The following HCN1 variants were observed in gnomAD, a reference collection of about 807,000 sequenced individuals.
The protein encoded by HCN1 is hyperpolarization activated cyclic nucleotide gated potassium channel 1.
In HCN1, 13 loss-of-function variants were observed where a neutral mutation model predicts 78.9. That is an observed-to-expected ratio of 0.16 (90% confidence interval 0.11 to 0.26). The LOEUF (loss-of-function observed/expected upper bound fraction) is 0.26. Ranked by LOEUF, HCN1 falls within the 10% of genes least tolerant of loss-of-function variation. HCN1 has a pLI of 1.00. For missense variants in HCN1, 810 were observed against 1,154.3 expected (o/e 0.70, Z 4.32); for synonymous variants, 552 against 455.5 (o/e 1.21, Z -2.70).
intron 4 of HCN1, among the ~76,000 whole-genome samples, chr5:45,370,849 T>A (rs1747339617): frequency 6.6e-6 from 1 of 152,042 alleles, no homozygotes; most frequent in Non-Finnish European, 1.5e-5. Flanking sequence ...CTAAAAGAAG[T>A]AATGGCAGTA....
chr5:45,304,350 C>T (rs1264278222), intron 5 of HCN1, among the ~76,000 whole-genome samples: 1 of 151,078 alleles, frequency 6.6e-6, no homozygotes, highest in African/African-American at 2.4e-5. Context: ...ATGGATAGTA[C>T]AGAAAAAGGT....
intron 4 of HCN1, among the ~76,000 whole-genome samples, chr5:45,354,437 A>G (rs1345790181): frequency 6.6e-6 from 1 of 151,996 alleles, no homozygotes; most frequent in Non-Finnish European, 1.5e-5. Flanking sequence ...CACACATTTG[A>G]TATACTTTAT....
At chr5:45,534,233 CA>C (rs1352355116) in intron 2 of HCN1, among the ~76,000 whole-genome samples, 5 of 150,308 alleles carry the variant, frequency 3.3e-5, no homozygotes, top group Non-Finnish European at 5.9e-5. Context: ...CCCGTCTCTA[CA>C]AAAAATACAA....
At chr5:45,448,768 A>T (rs1740848810) in intron 3 of HCN1, among the ~76,000 whole-genome samples, 1 of 152,210 alleles carries the variant, frequency 6.6e-6, no homozygotes, top group African/African-American at 2.4e-5. Flanking sequence ...TCTAACTCAC[A>T]CACAAATACA....
intron 5 of HCN1, among the ~76,000 whole-genome samples, chr5:45,334,014 C>T (rs1746400584): frequency 6.6e-6 from 1 of 151,644 alleles, no homozygotes; most frequent in Admixed American, 6.6e-5. Flanking sequence ...GTTCGGTTTC[C>T]AATTATCTTC....
intron 5 of HCN1, among the ~76,000 whole-genome samples, chr5:45,347,213 A>G (rs1746741648): frequency 6.6e-6 from 1 of 152,166 alleles, no homozygotes. Context: ...GTTCACGAAA[A>G]TCTGCTGTTC....
At chr5:45,547,295 C>T (rs1389060310) in intron 2 of HCN1, among the ~76,000 whole-genome samples, 2 of 151,892 alleles carry the variant, frequency 1.3e-5, no homozygotes, top group African/African-American at 4.8e-5. Flanking sequence ...CAAGGAGCTA[C>T]TAGAATAATA....
intron 4 of HCN1, among the ~76,000 whole-genome samples, chr5:45,372,132 A>ATG (rs1747398350): frequency 9.5e-5 from 5 of 52,866 alleles, no homozygotes; most frequent in Admixed American, 7.3e-4. Context: ...TTATATATAT[A>ATG]ATATAATAAT....
At chr5:45,281,955 A>T (rs1357407581) in intron 6 of HCN1, among the ~76,000 whole-genome samples, 1 of 152,108 alleles carries the variant, frequency 6.6e-6, no homozygotes, top group Non-Finnish European at 1.5e-5. Context: ...TCACATACAA[A>T]GATATTCTTT....
chr5:45,329,378 T>C (rs1415607875), intron 5 of HCN1, among the ~76,000 whole-genome samples: 1 of 151,468 alleles, frequency 6.6e-6, no homozygotes, highest in Non-Finnish European at 1.5e-5. Context: ...GAGTCAATTT[T>C]TGAAGTCTTA....
At chr5:45,330,372 A>T (rs1334893554) in intron 5 of HCN1, among the ~76,000 whole-genome samples, 1 of 151,186 alleles carries the variant, frequency 6.6e-6, no homozygotes, top group African/African-American at 2.4e-5. Flanking sequence ...ATTAAACCTT[A>T]TTTTTGTATG....
At chr5:45,508,093 A>G (rs1378110907) in intron 2 of HCN1, among the ~76,000 whole-genome samples, 2 of 152,158 alleles carry the variant, frequency 1.3e-5, no homozygotes, top group African/African-American at 4.8e-5. Flanking sequence ...GACAATAAAA[A>G]TCAATGAATT....
chr5:45,545,331 T>A (rs1743191559), intron 2 of HCN1, among the ~76,000 whole-genome samples: 1 of 152,226 alleles, frequency 6.6e-6, no homozygotes. Flanking sequence ...AAGTTCTTTG[T>A]AGATTCTGGA....
At chr5:45,568,184 C>A (rs2625502) in intron 2 of HCN1, among the ~76,000 whole-genome samples, 111 of 152,000 alleles carry the variant, frequency 7.3e-4, no homozygotes, top group African/African-American at 2.5e-3. Context: ...TTTTCTCTTT[C>A]TTGAGCAAAT....
intron 2 of HCN1, among the ~76,000 whole-genome samples, chr5:45,509,738 G>C (rs965124990): frequency 6.6e-6 from 1 of 152,050 alleles, no homozygotes; most frequent in Non-Finnish European, 1.5e-5. Flanking sequence ...TATTTTCAAG[G>C]AATTTTTTTT....
At chr5:45,642,293 A>T (rs1159421773) in intron 2 of HCN1, 1 of 152,122 alleles carries the variant, frequency 6.6e-6, no homozygotes, top group East Asian at 1.9e-4. Flanking sequence ...TTAGTTGCTC[A>T]AATCAGTTTT....
chr5:45,316,262 T>C (rs1226685083), intron 5 of HCN1, among the ~76,000 whole-genome samples: 4 of 152,086 alleles, frequency 2.6e-5, no homozygotes, highest in Admixed American at 6.6e-5. Flanking sequence ...GTTCAACATA[T>C]GCAAATCAAT....
At chr5:45,513,536 G>A (rs1742458792) in intron 2 of HCN1, among the ~76,000 whole-genome samples, 1 of 152,156 alleles carries the variant, frequency 6.6e-6, no homozygotes, top group African/African-American at 2.4e-5. Context: ...GTTAGGAACT[G>A]GGTTGCATGG....
intron 2 of HCN1, among the ~76,000 whole-genome samples, chr5:45,626,702 T>C (rs1673411245): frequency 6.6e-6 from 1 of 151,984 alleles, no homozygotes. Context: ...CTAATAAAGC[T>C]AGTGAATAGT....
Sources: allele counts gnomAD v4.1 joint callset (sites outside exome capture counted in the v4.1 genomes callset), GRCh38; gene constraint gnomAD v4.1.1; transcripts MANE v1.5; gene names NCBI Gene and HGNC (gene_info 2026-07-23, HGNC 2026-07-21).